Variants in PCDH9 observed in about 807,000 individuals in gnomAD.
PCDH9 encodes protocadherin-9.
Under a neutral mutation model 70.6 loss-of-function variants are expected in PCDH9, and 24 were observed. That is an observed-to-expected ratio of 0.34 (90% CI 0.25 to 0.48). The LOEUF (loss-of-function observed/expected upper bound fraction) is 0.48. Among genes scored for constraint, PCDH9 ranks in the 20% least tolerant of loss-of-function variants. The pLI, the probability that PCDH9 is intolerant of heterozygous loss-of-function variation, is 0.99. For missense variants in PCDH9, 1,281 were observed against 1,503.6 expected (o/e 0.85, Z 2.45); for synonymous variants, 562 against 558.5 (o/e 1.01, Z -0.09).
intron 4 of PCDH9, among the ~76,000 whole-genome samples, chr13:66,555,602 A>G (rs1961698011): frequency 6.6e-6 from 1 of 150,598 alleles, no homozygotes; most frequent in South Asian, 2.1e-4. Flanking sequence ...TTACACATCA[A>G]CGGTCTCCAT....
At chr13:66,309,935 G>A (rs984768425) in intron 4 of PCDH9, among the ~76,000 whole-genome samples, 1 of 151,634 alleles carries the variant, frequency 6.6e-6, no homozygotes, top group Admixed American at 6.6e-5. Flanking sequence ...TCCTGATCAG[G>A]ATTCCAAACT....
At chr13:66,349,702 G>A (rs1956265018) in intron 4 of PCDH9, among the ~76,000 whole-genome samples, 1 of 152,148 alleles carries the variant, frequency 6.6e-6, no homozygotes, top group Non-Finnish European at 1.5e-5. Context: ...CTGGCTTAGG[G>A]GGTAGTGAGA....
intron 3 of PCDH9, among the ~76,000 whole-genome samples, chr13:66,828,810 AAATAATAAT>A (rs61269805): frequency 6.7e-6 from 1 of 148,608 alleles, no homozygotes; most frequent in African/African-American, 2.5e-5. Flanking sequence ...GCCATACATA[AAATAATAAT>A]AATAATAATA....
intron 3 of PCDH9, among the ~76,000 whole-genome samples, chr13:66,810,025 A>G (rs957478176): frequency 1.3e-5 from 2 of 152,158 alleles, no homozygotes; most frequent in Admixed American, 6.5e-5. Flanking sequence ...TTAAACATAG[A>G]GGAGAATATA....
At chr13:66,677,300 A>G (rs2078256786) in intron 3 of PCDH9, among the ~76,000 whole-genome samples, 1 of 152,140 alleles carries the variant, frequency 6.6e-6, no homozygotes, top group Admixed American at 6.6e-5. Context: ...ACTTGTCAAC[A>G]ATGTTTTTAA....
At chr13:66,516,160 G>A (rs9317594) in intron 4 of PCDH9, among the ~76,000 whole-genome samples, 9,637 of 151,848 alleles carry the variant, frequency 0.063, 383 homozygotes, top group Non-Finnish European at 0.088. Context: ...ATTTTCCTCA[G>A]AAGTACTGTA....
At chr13:67,070,129 G>A (rs928008256) in intron 2 of PCDH9, among the ~76,000 whole-genome samples, 15 of 150,550 alleles carry the variant, frequency 1.0e-4, no homozygotes, top group African/African-American at 3.7e-4. Flanking sequence ...AATAAAATAG[G>A]GTTATTTTAC....
At chr13:66,783,049 T>C (rs1473680599) in intron 3 of PCDH9, among the ~76,000 whole-genome samples, 6 of 152,258 alleles carry the variant, frequency 3.9e-5, no homozygotes, top group South Asian at 4.1e-4. Context: ...ATAGGCCGTT[T>C]AGCTTGTTGA....
chr13:67,139,232 T>C (rs2087311760), intron 2 of PCDH9, among the ~76,000 whole-genome samples: 1 of 152,216 alleles, frequency 6.6e-6, no homozygotes, highest in Admixed American at 6.5e-5. Context: ...TCACACTATG[T>C]GTGAATCAAA....
chr13:66,565,922 C>A (rs1436470732), intron 4 of PCDH9, among the ~76,000 whole-genome samples: 1 of 152,052 alleles, frequency 6.6e-6, no homozygotes, highest in Non-Finnish European at 1.5e-5. Flanking sequence ...ATGGAAAGAG[C>A]CTAAATAAAA....
chr13:66,954,752 T>C (rs1287934578), intron 2 of PCDH9, among the ~76,000 whole-genome samples: 1 of 152,076 alleles, frequency 6.6e-6, no homozygotes, highest in Non-Finnish European at 1.5e-5. Flanking sequence ...CTTCCTGAGA[T>C]AGAACTTTTT....
At chr13:66,476,438 G>A (rs1057117181) in intron 4 of PCDH9, among the ~76,000 whole-genome samples, 5 of 152,010 alleles carry the variant, frequency 3.3e-5, no homozygotes, top group African/African-American at 2.4e-5. Context: ...TATATATGAC[G>A]TTTCAATCTT....
chr13:66,681,426 C>T (rs1413717690), intron 3 of PCDH9, among the ~76,000 whole-genome samples: 1 of 152,088 alleles, frequency 6.6e-6, no homozygotes, highest in Non-Finnish European at 1.5e-5. Flanking sequence ...GTGAATCTCT[C>T]TCCTTTTTAA....
chr13:67,064,917 T>C lies in PCDH9; in HGVS notation c.3036+160488A>G, dbSNP rs562589661. ...ATAGATAGATAGATAGATAGATAGA[T>C]AGATAGATAGATAGATAGATAGCAG... On this transcript the variant is annotated intron_variant, in intron 2 of 4. Transcript: ENST00000377865. 7.2e-5 allele frequency among the ~76,000 whole-genome samples: 11 copies of C among 152,002 alleles called. No individual in the cohort carries two copies. The South Asian group carries it at 2.1e-3, about 29-fold the overall frequency.
At chr13:66,984,564 G>A (rs1179614677) in intron 2 of PCDH9, among the ~76,000 whole-genome samples, 3 of 152,058 alleles carry the variant, frequency 2.0e-5, no homozygotes, top group Non-Finnish European at 2.9e-5. Flanking sequence ...AGGGTAGAGG[G>A]AAATATTTGG....
At chr13:67,202,715 TG>T (rs2089245724) in intron 2 of PCDH9, 1 of 152,102 alleles carries the variant, frequency 6.6e-6, no homozygotes, top group African/African-American at 2.4e-5. Context: ...GGGTTTTGCA[TG>T]GAGTAAGCAT....
intron 4 of PCDH9, among the ~76,000 whole-genome samples, chr13:66,523,519 G>A (rs1465446358): frequency 6.6e-6 from 1 of 151,810 alleles, no homozygotes; most frequent in Non-Finnish European, 1.5e-5. Flanking sequence ...TTTGCCAAAC[G>A]AAGATTCAGA....
intron 2 of PCDH9, among the ~76,000 whole-genome samples, chr13:67,016,195 T>C (rs923506556): frequency 6.6e-6 from 1 of 152,172 alleles, no homozygotes; most frequent in Non-Finnish European, 1.5e-5. Flanking sequence ...CTCTCCATGA[T>C]ACTAAAAGTA....
intron 4 of PCDH9, among the ~76,000 whole-genome samples, chr13:66,496,263 AT>A (rs886189644): frequency 5.3e-5 from 8 of 152,308 alleles, no homozygotes; most frequent in African/African-American, 1.9e-4. Flanking sequence ...ATTTAAATCC[AT>A]TTCAATCTTT....
Sources: gnomAD v4.1 joint callset for allele counts (sites outside exome capture counted in the v4.1 genomes callset) on GRCh38, gnomAD v4.1.1 for gene constraint, MANE v1.5 for transcripts, NCBI Gene and HGNC (gene_info 2026-07-23, HGNC 2026-07-21) for gene names.